VAV3: variants seen among roughly 807,000 people sequenced by gnomAD.
The protein encoded by VAV3 is vav guanine nucleotide exchange factor 3.
Under a neutral mutation model 131.2 loss-of-function variants are expected in VAV3, and 94 were observed. The observed-to-expected ratio is 0.72, with a 90% confidence interval of 0.61 to 0.85. The LOEUF (loss-of-function observed/expected upper bound fraction) is 0.85, where lower values mean the gene tolerates loss of function less well. VAV3 is among the 40% of genes least tolerant of loss of function. VAV3 has a pLI of 0.00. For synonymous variants in VAV3, 349 were observed against 342.0 expected (o/e 1.02, Z -0.22); for missense variants, 939 against 1,002.7 (o/e 0.94, Z 0.86).
intron 19 of VAV3, among the ~76,000 whole-genome samples, chr1:107,671,261 A>G (rs1657771662): frequency 6.6e-6 from 1 of 152,252 alleles, no homozygotes. Context: ...AGAGGTAGCT[A>G]TGATCACAAC....
At chr1:107,753,576 CAG>C (rs1233238930) in intron 12 of VAV3, among the ~76,000 whole-genome samples, 2 of 118,244 alleles carry the variant, frequency 1.7e-5, no homozygotes, top group African/African-American at 6.4e-5. Flanking sequence ...TTTTTTGAGA[CAG>C]AGTCAGAGTC....
chr1:107,772,742 T>C lies in VAV3; in HGVS notation c.548A>G (p.His183Arg), dbSNP rs765912873. 7.4e-6 allele frequency: 12 copies of C among 1,613,054 alleles called. No homozygotes were observed. Among genetic ancestry groups the C allele is most frequent in the Non-Finnish European group, 1.0e-5 (12 of 1,179,300 alleles). The change falls in exon 5 of 27, where the codon CAT (histidine) becomes CGT (arginine). Residue 183 changes from histidine to arginine, a missense_variant. By Grantham distance (29) the His-to-Arg change is conservative. Transcript: ENST00000370056. ...YEDLMKAEEA[H>R]QPKCPENDIR... is the part of the protein sequence containing the mutation. ...AACAAGTAAAAGTCCTACGGGCTGATGTGCTTCCTCTGCCTTCATTAAGTC... is the reference window on the plus strand; with the variant it reads ...AACAAGTAAAAGTCCTACGGGCTGACGTGCTTCCTCTGCCTTCATTAAGTC...
intron 22 of VAV3, chr1:107,609,727 G>C (rs368027248): frequency 1.5e-5 from 8 of 536,970 alleles, no homozygotes; most frequent in East Asian, 8.6e-5. Context: ...CTGGGCACTC[G>C]CATGCACACA....
chr1:107,631,264 A>C (rs1423958186), intron 20 of VAV3, among the ~76,000 whole-genome samples: 2 of 152,016 alleles, frequency 1.3e-5, no homozygotes, highest in South Asian at 2.1e-4. Flanking sequence ...TTACAATTTT[A>C]TCACTAAACC....
chr1:107,652,963 TAAAGAA>T (rs1435072110), intron 19 of VAV3, among the ~76,000 whole-genome samples: 1 of 152,082 alleles, frequency 6.6e-6, no homozygotes, highest in African/African-American at 2.4e-5. Flanking sequence ...TCATTTATGT[TAAAGAA>T]AAACACCCAA....
chr1:107,875,622 CA>C (rs1354321657), intron 1 of VAV3, among the ~76,000 whole-genome samples: 14 of 152,088 alleles, frequency 9.2e-5, no homozygotes, highest in African/African-American at 3.4e-4. Flanking sequence ...CTAGTGGGGT[CA>C]GATGATGAAG....
At chr1:107,855,718 A>G (rs1669437849) in intron 2 of VAV3, among the ~76,000 whole-genome samples, 1 of 152,216 alleles carries the variant, frequency 6.6e-6, no homozygotes, top group African/African-American at 2.4e-5. Flanking sequence ...AATAAATCTA[A>G]TAGTATGAGG....
intron 19 of VAV3, among the ~76,000 whole-genome samples, chr1:107,669,970 T>C (rs556785391): frequency 6.6e-6 from 1 of 152,334 alleles, no homozygotes; most frequent in South Asian, 2.1e-4. Flanking sequence ...TTTGCACTTT[T>C]CAAAATTATA....
intron 19 of VAV3, among the ~76,000 whole-genome samples, chr1:107,649,566 T>C (rs913635434): frequency 2.0e-5 from 3 of 152,070 alleles, no homozygotes; most frequent in African/African-American, 7.2e-5. Context: ...CTTGGCTTTT[T>C]TTTTGTTGTT....
chr1:107,872,297 A>C (rs1670290366), intron 2 of VAV3, among the ~76,000 whole-genome samples: 1 of 152,206 alleles, frequency 6.6e-6, no homozygotes, highest in African/African-American at 2.4e-5. Context: ...TGAAAACTTC[A>C]AAGGCTATAA....
At chr1:107,605,568 A>G (rs1437159151) in intron 22 of VAV3, among the ~76,000 whole-genome samples, 1 of 152,218 alleles carries the variant, frequency 6.6e-6, no homozygotes, top group African/African-American at 2.4e-5. Flanking sequence ...ATTCTACTAT[A>G]CACGTTGAGC....
At position 107,876,942 on chromosome 1, in the gene VAV3, GGTTT is replaced by G. The variant is rs374718001; in HGVS notation, c.205-1929_205-1926del. ...CTTAATTCATTGTTTTGTTTATCTTGGTTTGTTTTTTTAATTTGCAGAAAGCATA... is the reference window on the plus strand; with the variant it reads ...CTTAATTCATTGTTTTGTTTATCTTGGTTTTTTTAATTTGCAGAAAGCATA... On this transcript the variant is annotated intron_variant, in intron 1 of 26. Coordinates refer to ENST00000370056, the MANE Select transcript of VAV3 (RefSeq NM_006113.5). 9.7e-3 allele frequency among the ~76,000 whole-genome samples: 840 copies of G among 86,854 alleles called. 11 individuals are homozygous for G. The highest frequency in any genetic ancestry group is 0.027 in the African/African-American group (787 of 29,438). The allele number at this position is 86,854 out of a possible 152,430, so 57.0% of individuals were successfully genotyped here. A position where few individuals can be genotyped will look rare whatever the true frequency, so the allele number is the denominator to read the frequency against.
At chr1:107,650,251 C>T (rs1319643383) in intron 19 of VAV3, among the ~76,000 whole-genome samples, 1 of 152,078 alleles carries the variant, frequency 6.6e-6, no homozygotes, top group Non-Finnish European at 1.5e-5. Context: ...CTTTCCTACA[C>T]TCATTCTGTG....
chr1:107,717,949 T>C (rs921441154), intron 15 of VAV3, among the ~76,000 whole-genome samples: 2 of 152,172 alleles, frequency 1.3e-5, no homozygotes, highest in Non-Finnish European at 2.9e-5. Context: ...ATATTTAGGA[T>C]AGTTAGCTCT....
intron 1 of VAV3, among the ~76,000 whole-genome samples, chr1:107,949,446 G>A (rs1489605695): frequency 1.3e-5 from 2 of 152,084 alleles, no homozygotes; most frequent in Non-Finnish European, 2.9e-5. Context: ...AAGTTGCTGG[G>A]AGTACAGGCA....
chr1:107,784,119 T>A (rs1665855117), intron 2 of VAV3, among the ~76,000 whole-genome samples: 1 of 152,104 alleles, frequency 6.6e-6, no homozygotes, highest in African/African-American at 2.4e-5. Context: ...GCTGAAATAA[T>A]ACAGTAATAC....
chr1:107,627,726 T>C (rs1234156996), intron 20 of VAV3, among the ~76,000 whole-genome samples: 1 of 152,206 alleles, frequency 6.6e-6, no homozygotes, highest in Non-Finnish European at 1.5e-5. Context: ...GGAAACAATG[T>C]TAAGTAGTTT....
intron 9 of VAV3, among the ~76,000 whole-genome samples, chr1:107,762,118 A>C (rs1164941047): frequency 1.4e-5 from 1 of 71,712 alleles, no homozygotes; most frequent in African/African-American, 4.7e-5. Flanking sequence ...GTGTTCTTCA[A>C]AAAAAAAAAA....
intron 19 of VAV3, among the ~76,000 whole-genome samples, chr1:107,665,704 G>A (rs961776160): frequency 5.9e-5 from 9 of 152,196 alleles, no homozygotes; most frequent in African/African-American, 2.2e-4. Flanking sequence ...TCCCTGCTGA[G>A]GGCAGAGCCA....
Sources: gnomAD v4.1 joint callset for allele counts (sites outside exome capture counted in the v4.1 genomes callset) on GRCh38, gnomAD v4.1.1 for gene constraint, MANE v1.5 for transcripts, NCBI Gene and HGNC (gene_info 2026-07-23, HGNC 2026-07-21) for gene names.